Variants in ASCC3 observed in about 807,000 individuals in gnomAD.
ASCC3 encodes the protein activating signal cointegrator 1 complex subunit 3.
A neutral mutation model predicts 256.3 loss-of-function variants in ASCC3; 158 were observed. The ratio of observed to expected loss-of-function variants is 0.62; its 90% CI spans 0.54 to 0.70. The LOEUF (loss-of-function observed/expected upper bound fraction) is 0.70. ASCC3 is among the 30% of genes least tolerant of loss of function. ASCC3 has a pLI of 0.00. For missense variants in ASCC3, 2,259 were observed against 2,626.0 expected (o/e 0.86, Z 3.05); for synonymous variants, 948 against 883.4 (o/e 1.07, Z -1.30).
chr6:100,724,186 A>G (rs1376976181), intron 11 of ASCC3, among the ~76,000 whole-genome samples: 1 of 151,018 alleles, frequency 6.6e-6, no homozygotes, highest in Non-Finnish European at 1.5e-5. Context: ...AGTGAAAGTA[A>G]CCAGGACAGG....
chr6:100,645,641 G>A (rs544463581), intron 22 of ASCC3, among the ~76,000 whole-genome samples: 1 of 152,056 alleles, frequency 6.6e-6, no homozygotes, highest in Admixed American at 6.6e-5. Context: ...AGCCTCACTT[G>A]CCTTTGTACC....
chr6:100,538,993 G>T (rs1448352831), intron 37 of ASCC3, among the ~76,000 whole-genome samples: 2 of 152,010 alleles, frequency 1.3e-5, no homozygotes, highest in African/African-American at 4.8e-5. Flanking sequence ...CCCCAGTAAT[G>T]TCAGCTCCAT....
intron 36 of ASCC3, among the ~76,000 whole-genome samples, chr6:100,584,662 C>T (rs1771541034): frequency 6.6e-6 from 1 of 151,744 alleles, no homozygotes; most frequent in Non-Finnish European, 1.5e-5. Context: ...TTAGTTTATG[C>T]AGTTTCTTCC....
intron 14 of ASCC3, among the ~76,000 whole-genome samples, chr6:100,665,487 G>A (rs547666329): frequency 2.0e-5 from 3 of 152,024 alleles, no homozygotes; most frequent in Admixed American, 1.3e-4. Flanking sequence ...CACTTTGGAA[G>A]GGTGAGGCAG....
At chr6:100,801,225 C>G (rs1219023477) in intron 5 of ASCC3, among the ~76,000 whole-genome samples, 1 of 152,048 alleles carries the variant, frequency 6.6e-6, no homozygotes, top group Non-Finnish European at 1.5e-5. Context: ...TCTTTACAAG[C>G]AACAGTATCT....
intron 36 of ASCC3, among the ~76,000 whole-genome samples, chr6:100,586,014 C>T (rs1235330375): frequency 6.6e-6 from 1 of 152,208 alleles, no homozygotes; most frequent in African/African-American, 2.4e-5. Flanking sequence ...CCCAGTTAGG[C>T]TGCTCGGGGG....
At chr6:100,726,406 C>A (rs1779630381) in intron 10 of ASCC3, among the ~76,000 whole-genome samples, 1 of 151,878 alleles carries the variant, frequency 6.6e-6, no homozygotes, top group Non-Finnish European at 1.5e-5. Context: ...GAACAGTATG[C>A]CAGCCCTTTC....
chr6:100,579,186 GTTT>G (rs34493851), intron 36 of ASCC3, among the ~76,000 whole-genome samples: 1 of 132,372 alleles, frequency 7.6e-6, no homozygotes, highest in African/African-American at 2.8e-5. Flanking sequence ...GGGGTTGTTT[GTTT>G]TTTTTTTTTT....
chr6:100,524,560 A>C (rs1246903549), intron 37 of ASCC3, among the ~76,000 whole-genome samples: 1 of 152,158 alleles, frequency 6.6e-6, no homozygotes, highest in Non-Finnish European at 1.5e-5. Context: ...CGTATCATTA[A>C]ATGTACATAA....
intron 30 of ASCC3, among the ~76,000 whole-genome samples, chr6:100,618,361 G>T (rs1257676143): frequency 1.3e-5 from 2 of 152,168 alleles, no homozygotes. Flanking sequence ...ACAAGTTTTA[G>T]GTGGATGAAC....
intron 36 of ASCC3, among the ~76,000 whole-genome samples, chr6:100,573,309 T>G (rs1562128688): frequency 6.6e-6 from 1 of 152,120 alleles, no homozygotes; most frequent in Non-Finnish European, 1.5e-5. Context: ...ACATGAATCA[T>G]GAATCTTTTG....
intron 33 of ASCC3, among the ~76,000 whole-genome samples, chr6:100,603,537 G>T (rs1772733516): frequency 6.6e-6 from 1 of 151,862 alleles, no homozygotes; most frequent in Non-Finnish European, 1.5e-5. Context: ...TATCTCAAAG[G>T]GAAAGCTTTC....
In ASCC3 at chr6:100,581,410, A is replaced by G. The variant is rs1032332321; in HGVS notation, c.5550+8224T>C. Among the ~76,000 whole-genome samples the G allele has an allele frequency of 9.4e-4, 143 of 151,814 alleles. 1 individual carries two copies. The East Asian group carries it at 0.017, about 18-fold the overall frequency. ...TGAGAAGTGTCTGTTCATGTCCTTC[A>G]CCCACTTTTTGATGGGGTTGTTTGT... On this transcript the variant is annotated intron_variant, in intron 36 of 41. Transcript: ENST00000369162.
chr6:100,567,770 TACC>T (rs1394379995), intron 36 of ASCC3, among the ~76,000 whole-genome samples: 2 of 152,236 alleles, frequency 1.3e-5, no homozygotes, highest in East Asian at 3.8e-4. Flanking sequence ...GGTGTATATG[TACC>T]ACATTTTTTT....
intron 36 of ASCC3, among the ~76,000 whole-genome samples, chr6:100,543,603 T>A (rs1449037020): frequency 1.3e-5 from 2 of 152,034 alleles, no homozygotes; most frequent in Non-Finnish European, 2.9e-5. Context: ...AAGATTATCA[T>A]CATGGATAAA....
chr6:100,541,641 CAAG>C (rs1164623431), intron 36 of ASCC3, among the ~76,000 whole-genome samples: 3 of 152,080 alleles, frequency 2.0e-5, no homozygotes, highest in Non-Finnish European at 4.4e-5. Flanking sequence ...GAACAGAGCT[CAAG>C]AAGATTTATA....
chr6:100,600,054 TA>T (rs1158182523), intron 34 of ASCC3, among the ~76,000 whole-genome samples: 1 of 152,026 alleles, frequency 6.6e-6, no homozygotes, highest in Non-Finnish European at 1.5e-5. Flanking sequence ...CTCACACCAT[TA>T]GTAAAGGATA....
chr6:100,516,614 A>T (rs1774040413), intron 38 of ASCC3, among the ~76,000 whole-genome samples: 1 of 152,142 alleles, frequency 6.6e-6, no homozygotes, highest in Non-Finnish European at 1.5e-5. Context: ...ATGTGAAGTA[A>T]TGCTTCCATG....
intron 36 of ASCC3, among the ~76,000 whole-genome samples, chr6:100,568,248 A>C (rs1770374304): frequency 6.6e-6 from 1 of 151,808 alleles, no homozygotes; most frequent in African/African-American, 2.4e-5. Flanking sequence ...GGCGCCTATA[A>C]TCCCAGCTAC....
Sources: gnomAD v4.1 joint callset for allele counts (sites outside exome capture counted in the v4.1 genomes callset) on GRCh38, gnomAD v4.1.1 for gene constraint, MANE v1.5 for transcripts, NCBI Gene and HGNC (gene_info 2026-07-23, HGNC 2026-07-21) for gene names.